The following PCSK5 variants were observed in gnomAD, a reference collection of about 807,000 sequenced individuals.
PCSK5 encodes proprotein convertase subtilisin/kexin type 5, also known as prohormone convertase 5.
PCSK5 carries 129 observed loss-of-function variants against 233.2 expected under a neutral mutation model. That is an observed-to-expected ratio of 0.55 (90% CI 0.48 to 0.64). The LOEUF is 0.64. Among genes scored for constraint, PCSK5 ranks in the 30% least tolerant of loss-of-function variants. The probability of loss-of-function intolerance (pLI) is 0.00; values close to 1 mark genes in which losing one functional copy is unlikely to be tolerated. For synonymous variants in PCSK5, 825 were observed against 879.2 expected (o/e 0.94, Z 1.09); for missense variants, 2,076 against 2,430.1 (o/e 0.85, Z 3.06).
chr9:76,314,774 T>C (rs1828972587), intron 30 of PCSK5, among the ~76,000 whole-genome samples: 3 of 151,770 alleles, frequency 2.0e-5, no homozygotes, highest in South Asian at 2.1e-4. Flanking sequence ...GTAGCTGGGA[T>C]TACAGGCGCA....
chr9:75,935,510 C>T (rs917818677), intron 2 of PCSK5, among the ~76,000 whole-genome samples: 7 of 152,124 alleles, frequency 4.6e-5, no homozygotes, highest in South Asian at 4.2e-4. Context: ...TTTTTATAAC[C>T]GTAAGTATAA....
At chr9:75,956,128 C>T (rs1035872813) in intron 2 of PCSK5, among the ~76,000 whole-genome samples, 11 of 152,194 alleles carry the variant, frequency 7.2e-5, no homozygotes, top group African/African-American at 2.2e-4. Context: ...TTTTATATCC[C>T]AAACAGCCAT....
rs1830382530 is a variant in PCSK5 at position 76,359,266 on chromosome 9, C to A, written c.*344C>A. The A allele has an allele frequency of 4.4e-6, 1 of 227,784 alleles. No individual in the cohort carries two copies. Among genetic ancestry groups the A allele is most frequent in the Admixed American group, 5.0e-5 (1 of 19,994 alleles). The allele number at this position is 227,784 out of a possible 1,614,324, so 14.1% of individuals were successfully genotyped here. ...TGATTTTAAAAAAAGGACAGCAGAT[C>A]TATAGAAATTCTGTTTCCGAGCTGC... On this transcript the variant is annotated 3_prime_UTR_variant, in exon 38 of 38. Coordinates refer to ENST00000674117, the MANE Select transcript of PCSK5 (RefSeq NM_001372043.1).
chr9:76,177,366 T>G (rs995737046), intron 14 of PCSK5, among the ~76,000 whole-genome samples: 2 of 152,188 alleles, frequency 1.3e-5, no homozygotes, highest in Admixed American at 6.5e-5. Context: ...AGAAATATTT[T>G]TTCTTGCAGT....
intron 24 of PCSK5, among the ~76,000 whole-genome samples, chr9:76,243,000 G>A (rs766211176): frequency 6.6e-6 from 1 of 152,152 alleles, no homozygotes; most frequent in Non-Finnish European, 1.5e-5. Context: ...ATGGAGGTGG[G>A]AACAGTGACA....
At chr9:75,965,441 C>T (rs1428898956) in intron 2 of PCSK5, among the ~76,000 whole-genome samples, 1 of 152,120 alleles carries the variant, frequency 6.6e-6, no homozygotes, top group Non-Finnish European at 1.5e-5. Flanking sequence ...GGTCTGAGAA[C>T]CAGGGGAGCC....
At chr9:76,319,912 C>T (rs937161463) in intron 30 of PCSK5, among the ~76,000 whole-genome samples, 1 of 152,156 alleles carries the variant, frequency 6.6e-6, no homozygotes, top group Non-Finnish European at 1.5e-5. Context: ...CTGACGTACA[C>T]TGCCTTCTTT....
intron 2 of PCSK5, among the ~76,000 whole-genome samples, chr9:75,957,599 G>T (rs1825150727): frequency 6.6e-6 from 1 of 152,166 alleles, no homozygotes. Context: ...TCTCTGGAAG[G>T]CTGAAATGGT....
chr9:76,270,251 T>C (rs1189611016), intron 24 of PCSK5, among the ~76,000 whole-genome samples: 1 of 152,172 alleles, frequency 6.6e-6, no homozygotes, highest in African/African-American at 2.4e-5. Flanking sequence ...TAAGTGTATG[T>C]TGTCTTGGTT....
At chr9:76,175,266 G>C (rs62556619) in intron 14 of PCSK5, 137 bp downstream of exon 14, 72,955 of 636,184 alleles carry the variant, frequency 0.11, 6,490 homozygotes, top group East Asian at 0.42. Context: ...GGAATGGAAT[G>C]GAATGGAATC....
chr9:76,068,023 C>G lies in PCSK5; in HGVS notation c.701C>G (p.Ala234Gly). 6.2e-7 allele frequency: 1 copy of G among 1,613,682 alleles called. No individual in the cohort carries two copies. Among genetic ancestry groups the G allele is most frequent in the Non-Finnish European group, 8.5e-7 (1 of 1,179,612 alleles). The change falls in exon 6 of 38, where the codon GCT (alanine) becomes GGT (glycine). Residue 234 changes from alanine to glycine, a missense_variant. Coordinates refer to ENST00000674117, the MANE Select transcript of PCSK5 (RefSeq NM_001372043.1). ...ANNSHCTVGIAFNAKIGGVRM... is the reference protein window; with the variant it reads ...ANNSHCTVGIGFNAKIGGVRM... ...AATTCGCACTGCACAGTCGGAATTG[C>G]TTTCAACGCCAAGATCGGAGGTATG... is the stretch of plus-strand genomic sequence containing the variant.
intron 5 of PCSK5, among the ~76,000 whole-genome samples, chr9:76,043,148 C>A (rs1829197726): frequency 6.7e-6 from 1 of 150,290 alleles, no homozygotes; most frequent in African/African-American, 2.4e-5. Context: ...AGATTGAGAC[C>A]ATCCTGGCTA....
At position 76,296,867 on chromosome 9, in the gene PCSK5, T is replaced by C. The variant is rs780442443; in HGVS notation, c.3523+2T>C. 6.3e-7 allele frequency: 1 copy of C among 1,591,290 alleles called. No homozygotes were observed. The highest frequency in any genetic ancestry group is 2.2e-5 in the East Asian group (1 of 44,474). On this transcript the variant is annotated splice_donor_variant, in intron 27 of 37. Coordinates refer to ENST00000674117, the MANE Select transcript of PCSK5 (RefSeq NM_001372043.1). LOFTEE classifies it high-confidence loss of function. ...AGGAGGAGGGCAAATTCTGGAATGG[T>C]ATGTGCCCCCCAAAAAAGAGGTCAC...
At chr9:75,975,422 T>C (rs1471647375) in intron 2 of PCSK5, among the ~76,000 whole-genome samples, 1 of 152,192 alleles carries the variant, frequency 6.6e-6, no homozygotes, top group Non-Finnish European at 1.5e-5. Context: ...GACATGCTTT[T>C]TGATATTTAG....
chr9:76,080,200 C>T (rs1830782216), intron 7 of PCSK5, among the ~76,000 whole-genome samples: 1 of 152,182 alleles, frequency 6.6e-6, no homozygotes, highest in Non-Finnish European at 1.5e-5. Context: ...CAGCAATCCA[C>T]TGAAGCTGCT....
chr9:76,189,513 G>T, intron 19 of PCSK5, 118 bp from the exon 20 acceptor site: 1 of 709,652 alleles, frequency 1.4e-6, no homozygotes, highest in Non-Finnish European at 2.4e-6. Context: ...TGTGAGGAAA[G>T]ATTTTTGAGT....
At chr9:76,140,687 A>G (rs1823178571) in intron 10 of PCSK5, among the ~76,000 whole-genome samples, 1 of 152,098 alleles carries the variant, frequency 6.6e-6, no homozygotes, top group Non-Finnish European at 1.5e-5. Flanking sequence ...TAATGCAACT[A>G]TACTTAAATT....
chr9:75,955,426 A>C (rs1825052671), intron 2 of PCSK5, among the ~76,000 whole-genome samples: 1 of 152,176 alleles, frequency 6.6e-6, no homozygotes, highest in South Asian at 2.1e-4. Flanking sequence ...CATTTTTGAA[A>C]TGATTTAACT....
rs757719687 is a variant in PCSK5, at chr9:76,184,727, A to G, written c.2252A>G (p.His751Arg). The change falls in exon 17 of 38, where the codon CAT becomes CGT. Residue 751 changes from histidine to arginine, a missense_variant. Transcript: ENST00000674117. ...AACTGCAAGACATGTACTGAATTCCATAACTGTACAGAATGTAGGGATGGG... is the reference window on the plus strand; with the variant it reads ...AACTGCAAGACATGTACTGAATTCCGTAACTGTACAGAATGTAGGGATGGG... ...SENCKTCTEFHNCTECRDGLS... is the reference protein window; with the variant it reads ...SENCKTCTEFRNCTECRDGLS... 1.9e-5 allele frequency: 31 copies of G among 1,610,264 alleles called. No homozygotes were observed. The highest frequency in any genetic ancestry group is 8.3e-5 in the Admixed American group (5 of 59,980).
Sources: allele counts gnomAD v4.1 joint callset (sites outside exome capture counted in the v4.1 genomes callset), GRCh38; gene constraint gnomAD v4.1.1; transcripts MANE v1.5; gene names NCBI Gene and HGNC (gene_info 2026-07-23, HGNC 2026-07-21).